Variants in PRRC2B observed in about 807,000 individuals in gnomAD.
PRRC2B encodes proline rich coiled-coil 2B.
In PRRC2B, 68 loss-of-function variants were observed where a neutral mutation model predicts 242.3. The ratio of observed to expected loss-of-function variants is 0.28; its 90% CI spans 0.23 to 0.34. The LOEUF (loss-of-function observed/expected upper bound fraction) is 0.34, where lower values mean the gene tolerates loss of function less well. Among genes scored for constraint, PRRC2B ranks in the 10% least tolerant of loss-of-function variants. PRRC2B has a pLI of 1.00. For synonymous variants in PRRC2B, 1,228 were observed against 1,173.6 expected, an observed-to-expected ratio of 1.05 and a Z score of -0.95; for missense variants, 2,835 against 2,954.8, an observed-to-expected ratio of 0.96 and a Z score of 0.94.
rs12115426 is a variant in PRRC2B, at chr9:131,383,157, C to T, written c.-56+9426C>T. ...GGCCTGGCCTCAAAAGCACCTGCAC[C>T]GAGAAGGCCTCCTCCGGCTCCCCAG... On this transcript the variant is annotated intron_variant, in intron 1 of 1. Coordinates refer to the PRRC2B transcript ENST00000682525. Among the ~76,000 whole-genome samples the T allele has an allele frequency of 8.2e-3, 1,253 of 152,242 alleles. 23 individuals carry two copies. Among genetic ancestry groups the T allele is most frequent in the African/African-American group, 0.029 (1,211 of 41,538 alleles).
Position 131,467,562 on chromosome 9 carries a change from G to A in PRRC2B, c.1721-1G>A, listed in dbSNP as rs1477928014. ...CATTTCTCTGCTGGTATATTCTCTAGGCTCCCCAGAATTCCCTGCCCAAGA... is the reference window on the plus strand; with the variant it reads ...CATTTCTCTGCTGGTATATTCTCTAAGCTCCCCAGAATTCCCTGCCCAAGA... On this transcript the variant is annotated splice_acceptor_variant, in intron 12 of 31. Transcript: ENST00000683519. LOFTEE classifies it high-confidence loss of function. 1 of 1,597,866 alleles carries A rather than the reference G, an allele frequency of 6.3e-7. No individual in the cohort carries two copies. The highest frequency in any genetic ancestry group is 8.5e-7 in the Non-Finnish European group (1 of 1,172,150).
chr9:131,450,778 A>G (rs1202779730), intron 9 of PRRC2B, among the ~76,000 whole-genome samples: 1 of 143,532 alleles, frequency 7.0e-6, no homozygotes, highest in South Asian at 2.3e-4. Flanking sequence ...AGTAGAGACG[A>G]AGTTTCACCA....
rs374142488 is a variant in PRRC2B, at chr9:131,483,416, G to A, written c.5431G>A (p.Val1811Ile). Residue 1811 changes from valine to isoleucine, a missense_variant, in exon 23 of 32, where the codon GTT becomes ATT. This residue lies in a region of PRRC2B where 574 missense variants were observed against 626.0 expected (regional missense o/e 0.92). Transcript: ENST00000683519. ...SASGPTGSPV[V>I]KLQDALASNA... Reference sequence around the variant, plus strand: ...CTCTGGTCCTACTGGGAGTCCAGTTGTTAAACTTCAGGATGCCTTGGCCAG... The same window carrying A: ...CTCTGGTCCTACTGGGAGTCCAGTTATTAAACTTCAGGATGCCTTGGCCAG... The A allele has an allele frequency of 8.0e-5, 129 of 1,613,812 alleles. No homozygotes were observed. Among genetic ancestry groups the A allele is most frequent in the Non-Finnish European group, 1.0e-4 (121 of 1,179,900 alleles).
chr9:131,448,570 A>AAAAAAAAAAAAAAG (rs1838902755), intron 9 of PRRC2B, among the ~76,000 whole-genome samples: 2 of 140,434 alleles, frequency 1.4e-5, no homozygotes, highest in Non-Finnish European at 3.1e-5. Flanking sequence ...AAAAAAAAAA[A>AAAAAAAAAAAAAAG]GGAAAGAGAA....
chr9:131,486,214 G>GGTCCTGGCTGGC, intron 26 of PRRC2B, 32 bp downstream of exon 26: 1 of 1,460,658 alleles, frequency 6.8e-7, no homozygotes, highest in African/African-American at 1.4e-5. Context: ...GCCTGGCTGG[G>GGTCCTGGCTGGC]GGTGGTGGGG....
chr9:131,396,033 G>T (rs1018560115), intron 1 of PRRC2B, among the ~76,000 whole-genome samples: 1 of 152,164 alleles, frequency 6.6e-6, no homozygotes, highest in Non-Finnish European at 1.5e-5. Context: ...CTGGATTCTG[G>T]TCCTCATCGG....
At chr9:131,436,753 C>G (rs769792577) in intron 4 of PRRC2B, 31 bp downstream of exon 4, 3 of 1,558,218 alleles carry the variant, frequency 1.9e-6, no homozygotes, top group Admixed American at 3.4e-5. Flanking sequence ...CCAACTGTTT[C>G]CTGGGCATGG....
chr9:131,436,098 C>A (rs551070280), intron 3 of PRRC2B, among the ~76,000 whole-genome samples: 2 of 152,194 alleles, frequency 1.3e-5, no homozygotes, highest in African/African-American at 4.8e-5. Flanking sequence ...GCCCTTCATT[C>A]CAGTGATTGA....
chr9:131,418,796 A>G (rs1200375130), intron 1 of PRRC2B, among the ~76,000 whole-genome samples: 1 of 152,214 alleles, frequency 6.6e-6, no homozygotes, highest in Non-Finnish European at 1.5e-5. Flanking sequence ...ACAAATAGCA[A>G]ATCTGTTTGG....
Position 131,398,295 on chromosome 9 carries a change from G to T in PRRC2B, c.-52+4032G>T, listed in dbSNP as rs566200160. 6.6e-5 allele frequency among the ~76,000 whole-genome samples: 10 copies of T among 152,308 alleles called. No homozygotes were observed. The South Asian group carries it at 1.0e-3, about 16-fold the overall frequency. On this transcript the variant is annotated intron_variant, in intron 1 of 31. Coordinates refer to ENST00000683519, the MANE Select transcript of PRRC2B (RefSeq NM_013318.4). ...CTTAGTGTCTTGAGCCAGAAGTTGT[G>T]GTTGAGCTTTGTTCTCAGCTGTACT...
intron 1 of PRRC2B, among the ~76,000 whole-genome samples, chr9:131,396,613 A>G (rs1837066998): frequency 6.6e-6 from 1 of 152,100 alleles, no homozygotes; most frequent in Admixed American, 6.6e-5. Context: ...GGCCTGAGCT[A>G]CCGCGCCCGG....
chr9:131,491,074 G>A, intron 28 of PRRC2B: 1 of 250,964 alleles, frequency 4.0e-6, no homozygotes, highest in South Asian at 6.3e-5. Flanking sequence ...GTAAGCACTT[G>A]CTGGACAAAG....
At chr9:131,382,754 C>T (rs1270321400) in intron 1 of PRRC2B, among the ~76,000 whole-genome samples, 4 of 151,948 alleles carry the variant, frequency 2.6e-5, no homozygotes, top group African/African-American at 9.7e-5. Flanking sequence ...AAGCGAATCT[C>T]CTGCCTCAGC....
intron 1 of PRRC2B, among the ~76,000 whole-genome samples, chr9:131,420,503 T>TCTTTCTTTCTTTCTTTCTTTCTTTC: frequency 1.1e-5 from 1 of 93,814 alleles, no homozygotes; most frequent in Non-Finnish European, 2.2e-5. Flanking sequence ...CTTTTTTTTT[T>TCTTTCTTTCTTTCTTTCTTTCTTTC]TTTTTTTGAG....
At chr9:131,476,778 C>T (rs1302435990) in intron 16 of PRRC2B, among the ~76,000 whole-genome samples, 2 of 151,076 alleles carry the variant, frequency 1.3e-5, no homozygotes, top group Non-Finnish European at 1.5e-5. Context: ...CTGTCCAGCA[C>T]CTGACCTGAG....
intron 12 of PRRC2B, among the ~76,000 whole-genome samples, chr9:131,465,453 T>C (rs1409867385): frequency 2.6e-5 from 4 of 152,176 alleles, no homozygotes; most frequent in Non-Finnish European, 5.9e-5. Context: ...CTCTGAAGCC[T>C]GTTTCTTCAT....
At chr9:131,436,164 T>A (rs1838361824) in intron 3 of PRRC2B, among the ~76,000 whole-genome samples, 1 of 152,172 alleles carries the variant, frequency 6.6e-6, no homozygotes, top group South Asian at 2.1e-4. Context: ...TTTTAGTTTT[T>A]GCAGACAGAA....
chr9:131,395,029 T>C (rs572111782), intron 1 of PRRC2B, among the ~76,000 whole-genome samples: 26 of 151,444 alleles, frequency 1.7e-4, no homozygotes, highest in Non-Finnish European at 3.5e-4. Context: ...CTGTTGAAAC[T>C]GTGGGCCTCT....
At chr9:131,409,047 A>T (rs1837439701) in intron 1 of PRRC2B, among the ~76,000 whole-genome samples, 1 of 126,074 alleles carries the variant, frequency 7.9e-6, no homozygotes, top group Non-Finnish European at 1.6e-5. Context: ...CCTGAGATGG[A>T]GTTTTGCTCT....
Sources: allele counts gnomAD v4.1 joint callset (sites outside exome capture counted in the v4.1 genomes callset), GRCh38; gene constraint gnomAD v4.1.1; regional missense constraint gnomAD v4.1.1; transcripts MANE v1.5; gene names NCBI Gene and HGNC (gene_info 2026-07-23, HGNC 2026-07-21).